Variants in ARHGEF38 observed in about 807,000 individuals in gnomAD.
The protein encoded by ARHGEF38 is Rho guanine nucleotide exchange factor 38.
Under a neutral mutation model 79.9 loss-of-function variants are expected in ARHGEF38, and 79 were observed. The observed-to-expected ratio is 0.99, with a 90% CI of 0.82 to 1.19. The LOEUF (loss-of-function observed/expected upper bound fraction) is 1.19. ARHGEF38 is among the 50% of genes most tolerant of loss of function. The pLI, the probability that ARHGEF38 is intolerant of heterozygous loss-of-function variation, is 0.00. For missense variants in ARHGEF38, 962 were observed against 907.2 expected (o/e 1.06, Z -0.78); for synonymous variants, 366 against 328.3 (o/e 1.11, Z -1.24).
chr4:105,677,118 C>A (rs1731151198), intron 13 of ARHGEF38, among the ~76,000 whole-genome samples: 1 of 152,116 alleles, frequency 6.6e-6, no homozygotes, highest in South Asian at 2.1e-4. Context: ...CACACGCCAC[C>A]ACGCCCAGCT....
intron 2 of ARHGEF38, among the ~76,000 whole-genome samples, chr4:105,609,333 A>T (rs1001533701): frequency 1.3e-5 from 2 of 151,940 alleles, no homozygotes; most frequent in Admixed American, 6.6e-5. Flanking sequence ...TGGGCTCTCT[A>T]TTCTGTTGCA....
intron 1 of ARHGEF38, among the ~76,000 whole-genome samples, chr4:105,572,702 A>G (rs1726297173): frequency 6.6e-6 from 1 of 152,180 alleles, no homozygotes; most frequent in Admixed American, 6.6e-5. Flanking sequence ...CCAGGTTATA[A>G]CATATGTCAT....
intron 2 of ARHGEF38, among the ~76,000 whole-genome samples, chr4:105,602,604 G>C (rs1727871722): frequency 6.6e-6 from 1 of 151,978 alleles, no homozygotes; most frequent in African/African-American, 2.4e-5. Context: ...AGAGGGGAGA[G>C]CCTGCATTGA....
At chr4:105,648,729 T>G (rs1320534375) in intron 7 of ARHGEF38, 47 bp downstream of exon 7, 1 of 1,465,628 alleles carries the variant, frequency 6.8e-7, no homozygotes, top group Non-Finnish European at 9.0e-7. Context: ...GGAACATGAA[T>G]GCAGATATTT....
At chr4:105,621,587 A>C (rs1287016761) in intron 3 of ARHGEF38, among the ~76,000 whole-genome samples, 2 of 152,216 alleles carry the variant, frequency 1.3e-5, no homozygotes, top group South Asian at 2.1e-4. Context: ...TTCCTAAAGC[A>C]ATGTTTCTTG....
Position 105,677,834 on chromosome 4 carries a change from G to A in ARHGEF38, c.2231G>A (p.Arg744Lys). 6.5e-7 allele frequency: 1 copy of A among 1,535,640 alleles called. No homozygotes were observed. Among genetic ancestry groups the A allele is most frequent in the Non-Finnish European group, 8.7e-7 (1 of 1,146,480 alleles). ...GAATACCAGAGAGTTCATATACTCA[G>A]GTTTTGTGACCTAAGTGGCAATAAA... Reference protein sequence around the residue: ...LQEYQRVHILRFCDLSGNKEW... With the variant: ...LQEYQRVHILKFCDLSGNKEW... Residue 744 changes from arginine to lysine, a missense_variant, in exon 14 of 14, where the codon AGG becomes AAG. Arg to Lys is a conservative substitution (Grantham distance 26, BLOSUM62 2). Coordinates refer to ENST00000420470, the MANE Select transcript of ARHGEF38 (RefSeq NM_001242729.2).
chr4:105,634,520 G>T (rs900547764), intron 4 of ARHGEF38, among the ~76,000 whole-genome samples: 10 of 152,088 alleles, frequency 6.6e-5, no homozygotes, highest in Admixed American at 2.6e-4. Context: ...CCTTCTTGGG[G>T]TTATTTAAGG....
At chr4:105,658,395 G>C (rs902785763) in intron 9 of ARHGEF38, among the ~76,000 whole-genome samples, 1 of 152,080 alleles carries the variant, frequency 6.6e-6, no homozygotes, top group South Asian at 2.1e-4. Flanking sequence ...GTGAGACCCT[G>C]TCTCAAAATT....
intron 1 of ARHGEF38, among the ~76,000 whole-genome samples, chr4:105,562,341 A>G (rs559570006): frequency 1.4e-4 from 21 of 152,218 alleles, no homozygotes; most frequent in Non-Finnish European, 2.9e-4. Context: ...AATGCCTGGT[A>G]TACAGTTATT....
chr4:105,602,686 C>T (rs1727875666), intron 2 of ARHGEF38, among the ~76,000 whole-genome samples: 1 of 152,088 alleles, frequency 6.6e-6, no homozygotes, highest in African/African-American at 2.4e-5. Flanking sequence ...GTCCCCACTC[C>T]AGGGCTCACG....
intron 1 of ARHGEF38, among the ~76,000 whole-genome samples, chr4:105,580,009 TTG>T (rs111955727): frequency 6.6e-6 from 1 of 152,132 alleles, no homozygotes; most frequent in Non-Finnish European, 1.5e-5. Flanking sequence ...ATTTTCTAGT[TTG>T]TGTGCATTGT....
chr4:105,586,061 C>T (rs1036911642), intron 1 of ARHGEF38, among the ~76,000 whole-genome samples: 8 of 151,838 alleles, frequency 5.3e-5, no homozygotes, highest in South Asian at 2.1e-4. Context: ...AAATAAAAGA[C>T]GGGCTATAGC....
chr4:105,652,456 A>AAGAATAGG (rs1730143462), intron 7 of ARHGEF38, among the ~76,000 whole-genome samples: 1 of 152,214 alleles, frequency 6.6e-6, no homozygotes, highest in African/African-American at 2.4e-5. Context: ...CTACAGTGGG[A>AAGAATAGG]AGAATAGGAG....
At chr4:105,651,192 G>A (rs1201254515) in intron 7 of ARHGEF38, among the ~76,000 whole-genome samples, 1 of 152,190 alleles carries the variant, frequency 6.6e-6, no homozygotes, top group Admixed American at 6.5e-5. Context: ...AGTTAAAGTA[G>A]CCTGAAGGGA....
intron 7 of ARHGEF38, among the ~76,000 whole-genome samples, chr4:105,653,149 C>G (rs115063237): frequency 1.1e-3 from 163 of 152,196 alleles, no homozygotes; most frequent in Admixed American, 2.7e-3. Context: ...GAAATTGTCA[C>G]AGCATAAAAA....
chr4:105,650,673 A>T (rs1730063172), intron 7 of ARHGEF38, among the ~76,000 whole-genome samples: 2 of 152,126 alleles, frequency 1.3e-5, no homozygotes, highest in Non-Finnish European at 2.9e-5. Context: ...GAGTATAATA[A>T]ACTTCTTCCT....
chr4:105,554,072 T>C (rs1022725712), intron 1 of ARHGEF38, among the ~76,000 whole-genome samples: 1 of 152,176 alleles, frequency 6.6e-6, no homozygotes, highest in Non-Finnish European at 1.5e-5. Context: ...TACCAGTAGT[T>C]CAGCACTAAA....
At chr4:105,660,452 G>T (rs148216288) in intron 10 of ARHGEF38, among the ~76,000 whole-genome samples, 2,759 of 133,034 alleles carry the variant, frequency 0.021, 32 homozygotes, top group Middle Eastern at 0.051. Context: ...TTTTTTTGGT[G>T]GGGGGGGATG....
chr4:105,670,651 A>G (rs1053180524), intron 13 of ARHGEF38, among the ~76,000 whole-genome samples: 2 of 152,134 alleles, frequency 1.3e-5, no homozygotes, highest in Non-Finnish European at 2.9e-5. Flanking sequence ...TTGATGTTTC[A>G]AAACACTATT....
Sources: allele counts gnomAD v4.1 joint callset (sites outside exome capture counted in the v4.1 genomes callset), GRCh38; gene constraint gnomAD v4.1.1; transcripts MANE v1.5; gene names NCBI Gene and HGNC (gene_info 2026-07-23, HGNC 2026-07-21).